Variants in LMO3 observed in about 807,000 individuals in gnomAD.
LMO3 encodes the protein LIM domain only 3, also known as LIM domain only protein 3.
A neutral mutation model predicts 15.8 loss-of-function variants in LMO3; 2 were observed. That is an observed-to-expected ratio of 0.13 (90% CI 0.05 to 0.40). LMO3 has a LOEUF of 0.40. LMO3 is among the 10% of genes least tolerant of loss of function. LMO3 has a pLI of 0.99. For missense variants in LMO3, 86 were observed against 182.2 expected (o/e 0.47, Z 3.04); for synonymous variants, 62 against 63.8 (o/e 0.97, Z 0.13).
chr12:16,566,120 G>A (rs1025275888), intron 2 of LMO3, among the ~76,000 whole-genome samples: 3 of 146,654 alleles, frequency 2.0e-5, no homozygotes, highest in Non-Finnish European at 4.5e-5. Flanking sequence ...AGGGCATCAT[G>A]TTAAATGAAA....
intron 1 of LMO3, chr12:16,605,157 A>G: frequency 7.2e-7 from 1 of 1,390,836 alleles, no homozygotes; most frequent in South Asian, 1.6e-5. Context: ...TGACAAAGCC[A>G]CATGCTTCCC....
intron 2 of LMO3, 39 bp downstream of exon 2, chr12:16,600,616 G>T (rs771875185): frequency 6.5e-7 from 1 of 1,533,092 alleles, no homozygotes; most frequent in African/African-American, 1.4e-5. Flanking sequence ...TACTTTAAAA[G>T]GCATCCAGTC....
chr12:16,550,993 A>C lies in LMO3; in HGVS notation c.*229T>G. 3 of 424,434 alleles carry C rather than the reference A, an allele frequency of 7.1e-6. No homozygotes were observed. Among genetic ancestry groups the C allele is most frequent in the Non-Finnish European group, 8.5e-6 (2 of 235,678 alleles). 26.3% of individuals were successfully genotyped at this position (424,434 alleles called of 1,614,324 possible). On this transcript the variant is annotated 3_prime_UTR_variant, in exon 4 of 4. Coordinates refer to ENST00000537304, the MANE Select transcript of LMO3 (RefSeq NM_018640.5). ...CACAAAAACGAATAGCAAGCAAAAA[A>C]ATCCAGCCATATGTACATTACTTTT... is the stretch of plus-strand genomic sequence containing the variant.
intron 2 of LMO3, among the ~76,000 whole-genome samples, chr12:16,571,047 A>G (rs899899072): frequency 6.6e-6 from 1 of 152,100 alleles, no homozygotes; most frequent in Non-Finnish European, 1.5e-5. Flanking sequence ...AATAAATTTT[A>G]AAAAAATCTA....
At position 16,598,517 on chromosome 12, in the gene LMO3, A is replaced by G. The variant is rs1322806756; in HGVS notation, c.206+2138T>C. ...AATCAGGACCAGGGTTTATATTTGA[A>G]AGAATATTATATACTTTTAATAAGT... On this transcript the variant is annotated intron_variant, in intron 2 of 3. Transcript: ENST00000537304. The surrounding 1 kb of genome is among the most constrained non-coding windows in gnomAD (Gnocchi z 4.3). 1 of 152,106 alleles carries G rather than the reference A, an allele frequency of 6.6e-6. No individual in the cohort carries two copies. Among genetic ancestry groups the G allele is most frequent in the Admixed American group, 6.6e-5 (1 of 15,258 alleles). 9.4% of individuals were successfully genotyped at this position (152,106 alleles called of 1,614,324 possible). A position where few individuals can be genotyped will look rare whatever the true frequency, so the allele number is the denominator to read the frequency against.
At chr12:16,569,784 T>C (rs1019566984) in intron 2 of LMO3, among the ~76,000 whole-genome samples, 3 of 152,002 alleles carry the variant, frequency 2.0e-5, no homozygotes, top group Non-Finnish European at 2.9e-5. Flanking sequence ...GACATAGTTA[T>C]GGAAAGAACT....
intron 2 of LMO3, among the ~76,000 whole-genome samples, chr12:16,565,092 T>C (rs11056997): frequency 0.52 from 78,942 of 151,886 alleles, 20,756 homozygotes; most frequent in South Asian, 0.62. Context: ...CCCGGTCTAG[T>C]ATTTGTTAAA....
intron 2 of LMO3, among the ~76,000 whole-genome samples, chr12:16,571,393 A>T (rs1942808396): frequency 6.6e-6 from 1 of 152,104 alleles, no homozygotes; most frequent in South Asian, 2.1e-4. Flanking sequence ...ATCCAACACC[A>T]TTTATCTCAT....
At position 16,582,751 on chromosome 12, in the gene LMO3, A is replaced by T. The variant is rs1943199277; in HGVS notation, c.206+17904T>A. On this transcript the variant is annotated intron_variant, in intron 2 of 3. Transcript: ENST00000537304. The surrounding 1 kb of genome is among the most constrained non-coding windows in gnomAD (Gnocchi z 4.1). ...ATCTGATTGGGATGAGACGCCCAGAAAAGAATCAGAACTAGGCCGGGCACG... is the reference window on the plus strand; with the variant it reads ...ATCTGATTGGGATGAGACGCCCAGATAAGAATCAGAACTAGGCCGGGCACG... Among the ~76,000 whole-genome samples, 1 of 152,152 alleles carries T rather than the reference A, an allele frequency of 6.6e-6. No homozygotes were observed. Among genetic ancestry groups the T allele is most frequent in the Non-Finnish European group, 1.5e-5 (1 of 68,030 alleles).
rs1186940125 is a variant in LMO3 at position 16,604,941 on chromosome 12, C to A, written c.-9+1125G>T. ...CAGCAGCTTCGCATTGAGCACCAAA[C>A]CCAAAGGTAGAAGTAGAAGGGGGTC... is the stretch of plus-strand genomic sequence containing the variant. On this transcript the variant is annotated intron_variant, in intron 1 of 3. Transcript: ENST00000537304. The surrounding 1 kb of genome is among the most constrained non-coding windows in gnomAD (Gnocchi z 5.3). 13 of 1,598,266 alleles carry A rather than the reference C, an allele frequency of 8.1e-6. No individual in the cohort carries two copies. In the East Asian group the frequency reaches 2.7e-4, roughly 33 times the overall value.
Position 16,585,382 on chromosome 12 carries a change from C to T in LMO3, c.206+15273G>A, listed in dbSNP as rs1943287213. ...AACTTTATGTTAAACAATCACTTGG[C>T]CACAAAGATTAATATTAACCTATAT... On this transcript the variant is annotated intron_variant, in intron 2 of 3. Transcript: ENST00000537304. This position sits in a 1 kb window ranked among gnomAD's most constrained non-coding sequence, Gnocchi z 4.7. 1.3e-5 allele frequency among the ~76,000 whole-genome samples: 2 copies of T among 152,126 alleles called. No individual in the cohort carries two copies. The highest frequency in any genetic ancestry group is 4.1e-4 in the South Asian group (2 of 4,824).
At position 16,550,168 on chromosome 12, in the gene LMO3, G is replaced by A. The variant is rs762123253; in HGVS notation, c.*1054C>T. 6.6e-5 allele frequency: 10 copies of A among 152,126 alleles called. No homozygotes were observed. The highest frequency in any genetic ancestry group is 1.3e-4 in the Non-Finnish European group (9 of 67,934). The allele number at this position is 152,126 out of a possible 1,614,324, so 9.4% of individuals were successfully genotyped here. A position where few individuals can be genotyped will look rare whatever the true frequency, so the allele number is the denominator to read the frequency against. On this transcript the variant is annotated 3_prime_UTR_variant, in exon 4 of 4. Transcript: ENST00000537304. Reference sequence around the variant, plus strand: ...TCAAATACCATCATAGCTTCAATGTGCATTATAGTGATTTCAGTAGATTCA... The same window carrying A: ...TCAAATACCATCATAGCTTCAATGTACATTATAGTGATTTCAGTAGATTCA...
chr12:16,572,708 T>C (rs1333428078), intron 2 of LMO3, among the ~76,000 whole-genome samples: 1 of 148,036 alleles, frequency 6.8e-6, no homozygotes, highest in Non-Finnish European at 1.5e-5. Flanking sequence ...ATATTATATA[T>C]AATTTAAATA....
intron 3 of LMO3, among the ~76,000 whole-genome samples, chr12:16,558,997 G>C (rs1016762468): frequency 6.6e-6 from 1 of 152,032 alleles, no homozygotes; most frequent in Non-Finnish European, 1.5e-5. Context: ...AATATATGGT[G>C]GTGCTGAAAT....
chr12:16,594,875 G>C (rs984989513), intron 2 of LMO3, among the ~76,000 whole-genome samples: 2 of 151,522 alleles, frequency 1.3e-5, no homozygotes. Flanking sequence ...TTTATTATTA[G>C]TCACTTAATG....
upstream of LMO3, chr12:16,608,737 G>A (rs1944075990): frequency 6.6e-6 from 1 of 152,082 alleles, no homozygotes; most frequent in Non-Finnish European, 1.5e-5. The surrounding 1 kb of genome is among the most constrained non-coding windows in gnomAD (Gnocchi z 4.1). Context: ...ACAGAGGAGA[G>A]AGAGAGACAG....
chr12:16,568,714 T>G (rs1196387351), intron 2 of LMO3, among the ~76,000 whole-genome samples: 1 of 152,244 alleles, frequency 6.6e-6, no homozygotes, highest in Non-Finnish European at 1.5e-5. Flanking sequence ...TTAAAACACT[T>G]TCCTTGGCTA....
At chr12:16,566,039 T>TATATATATATATAA (rs1565488437) in intron 2 of LMO3, among the ~76,000 whole-genome samples, 1 of 86,506 alleles carries the variant, frequency 1.2e-5, no homozygotes, top group Non-Finnish European at 2.3e-5. Context: ...TATATATATA[T>TATATATATATATAA]AAAATGGAGT....
chr12:16,557,343 C>A (rs1250778990), intron 3 of LMO3, among the ~76,000 whole-genome samples: 1 of 149,046 alleles, frequency 6.7e-6, no homozygotes, highest in Non-Finnish European at 1.5e-5. Context: ...GAAATACTAT[C>A]TTTCATCCCT....
Sources: gnomAD v4.1 joint callset for allele counts (sites outside exome capture counted in the v4.1 genomes callset) on GRCh38, gnomAD v4.1.1 for gene constraint, Gnocchi (gnomAD v3.1) non-coding constraint, MANE v1.5 for transcripts, NCBI Gene and HGNC (gene_info 2026-07-23, HGNC 2026-07-21) for gene names.